Variants in TRPM1 observed in about 807,000 individuals in gnomAD.
TRPM1 encodes the protein transient receptor potential cation channel subfamily M member 1.
In TRPM1, 113 loss-of-function variants were observed where a neutral mutation model predicts 149.4. The ratio of observed to expected loss-of-function variants is 0.76; its 90% confidence interval spans 0.65 to 0.88. The LOEUF (loss-of-function observed/expected upper bound fraction) is 0.88. TRPM1 is among the 40% of genes least tolerant of loss of function. The probability of loss-of-function intolerance (pLI) is 0.00; values close to 1 mark genes in which losing one functional copy is unlikely to be tolerated. For synonymous variants in TRPM1, 741 were observed against 759.5 expected, an observed-to-expected ratio of 0.98 and a Z score of 0.40; for missense variants, 1,976 against 2,038.7, an observed-to-expected ratio of 0.97 and a Z score of 0.59.
intron 27 of TRPM1, among the ~76,000 whole-genome samples, chr15:31,023,458 G>A: frequency 6.6e-6 from 1 of 152,238 alleles, no homozygotes; most frequent in East Asian, 1.9e-4. Flanking sequence ...AGGACCCCAT[G>A]AGAGCTGACA....
At chr15:31,109,865 G>A (rs73375932) in intron 1 of TRPM1, among the ~76,000 whole-genome samples, 4,439 of 152,186 alleles carry the variant, frequency 0.029, 232 homozygotes, top group African/African-American at 0.1. Context: ...TTCCCAGGCT[G>A]GAGACGGGCG....
Position 31,040,106 on chromosome 15 carries a change from C to T in TRPM1, c.2316+12G>A, listed in dbSNP as rs76451613. The T allele has an allele frequency of 4.0e-3, 6,430 of 1,613,586 alleles. 20 individuals carry two copies. Among genetic ancestry groups the T allele is most frequent in the Non-Finnish European group, 4.9e-3 (5,722 of 1,179,494 alleles). On this transcript the variant is annotated intron_variant, in intron 18 of 27. Coordinates refer to ENST00000256552, the MANE Select transcript of TRPM1 (RefSeq NM_001252024.2). The surrounding 1 kb of genome is among the most constrained non-coding windows in gnomAD (Gnocchi z 4.2). Reference sequence around the variant, plus strand: ...TGTCACCCTGGCCCGCCTCGCAGCACGTTGCACGCACCTTCAGGCCGGGGT... The same window carrying T: ...TGTCACCCTGGCCCGCCTCGCAGCATGTTGCACGCACCTTCAGGCCGGGGT...
Position 31,108,978 on chromosome 15 carries a change from C to T in TRPM1, c.55-31994G>A, listed in dbSNP as rs547947336. The stretch of plus-strand genomic sequence containing the variant: ...TGAATTTATCATTGAGATCACCTCT[C>T]CCATGCTCCAGACACTGCTGGTGCT... On this transcript the variant is annotated intron_variant, in intron 1 of 26. Transcript: ENST00000542188. Among the ~76,000 whole-genome samples the T allele has an allele frequency of 5.9e-5, 9 of 152,298 alleles. No individual in the cohort carries two copies. In the East Asian group the frequency reaches 1.3e-3, roughly 23 times the overall value.
intron 3 of TRPM1, among the ~76,000 whole-genome samples, chr15:31,076,537 T>C (rs969899187): frequency 2.0e-5 from 3 of 152,226 alleles, no homozygotes; most frequent in Admixed American, 1.3e-4. Context: ...CTCAGATCTT[T>C]CCTGTGATGG....
In TRPM1 at chr15:31,049,313, C is replaced by T. The variant is rs2288241; in HGVS notation, c.1572+62G>A. On this transcript the variant is annotated intron_variant, in intron 13 of 27. Transcript: ENST00000256552. ...TGAGCACATTTATGCACAATATGCA[C>T]CAGTGACAAACACATTTAGGTGGCT... 867,929 of 1,610,592 alleles carry T rather than the reference C, an allele frequency of 0.54. 242,158 individuals carry two copies. The highest frequency in any genetic ancestry group is 0.91 in the East Asian group (40,933 of 44,858).
chr15:31,032,006 GTTTTTTTT>G (rs57762904), intron 22 of TRPM1, among the ~76,000 whole-genome samples: 2 of 122,762 alleles, frequency 1.6e-5, no homozygotes, highest in African/African-American at 6.3e-5. Flanking sequence ...ATCAGGCGGG[GTTTTTTTT>G]TTTTTTTTTT....
chr15:31,127,931 C>A (rs1282031571), intron 1 of TRPM1, among the ~76,000 whole-genome samples: 1 of 152,186 alleles, frequency 6.6e-6, no homozygotes. Context: ...GGGTCTGTGC[C>A]TGGAGTCCAG....
chr15:31,060,663 G>T lies in TRPM1; in HGVS notation c.1163-19C>A. ...TTTGTTCCTGGAAAGGCAAGAAACC[G>T]GAATGATTTTTCACTCCACGCCTGG... On this transcript the variant is annotated intron_variant, in intron 10 of 27. Transcript: ENST00000256552. 6.2e-7 allele frequency: 1 copy of T among 1,609,528 alleles called. No individual in the cohort carries two copies. Among genetic ancestry groups the T allele is most frequent in the Non-Finnish European group, 8.5e-7 (1 of 1,176,306 alleles).
At position 31,042,240 on chromosome 15, in the gene TRPM1, C is replaced by A; in HGVS notation, c.1798G>T (p.Asp600Tyr). 6.4e-7 allele frequency: 1 copy of A among 1,571,392 alleles called. No homozygotes were observed. Among genetic ancestry groups the A allele is most frequent in the Non-Finnish European group, 8.6e-7 (1 of 1,158,240 alleles). ...TTCTTCCCTTTAGCTGGAGGCTCATCATCCTGAGGGGAGAAACATGGATTT... is the reference window on the plus strand; with the variant it reads ...TTCTTCCCTTTAGCTGGAGGCTCATAATCCTGAGGGGAGAAACATGGATTT... ...KALKLLGMEDDEPPAKGKKKK... is the reference protein window; with the variant it reads ...KALKLLGMEDYEPPAKGKKKK... The change falls in exon 17 of 28, where the codon GAT becomes TAT. Residue 600 changes from aspartate (D) to tyrosine (Y), a missense_variant. Around this residue, in one of 3 missense-constraint regions of TRPM1, gnomAD observed 1,332 missense variants for 1,347.1 expected, o/e 0.99. Coordinates refer to ENST00000256552, the MANE Select transcript of TRPM1 (RefSeq NM_001252024.2).
chr15:31,099,662 A>C (rs1363219879), intron 1 of TRPM1, among the ~76,000 whole-genome samples: 1 of 152,212 alleles, frequency 6.6e-6, no homozygotes, highest in Non-Finnish European at 1.5e-5. Context: ...ACAACTCCAA[A>C]CTTCTCCCAG....
intron 12 of TRPM1, 108 bp from the exon 13 acceptor site, chr15:31,049,617 G>T: frequency 8.0e-7 from 1 of 1,250,752 alleles, no homozygotes; most frequent in Non-Finnish European, 1.2e-6. Flanking sequence ...AGATTCCAGA[G>T]CACTCCAGCA....
At chr15:31,029,156 T>A (rs999450454) in intron 24 of TRPM1, among the ~76,000 whole-genome samples, 9 of 152,212 alleles carry the variant, frequency 5.9e-5, no homozygotes, top group African/African-American at 2.2e-4. Flanking sequence ...CAACTTTTTA[T>A]CATAGGGGGT....
intron 27 of TRPM1, among the ~76,000 whole-genome samples, chr15:31,004,394 C>G (rs1260985728): frequency 1.3e-5 from 2 of 152,000 alleles, no homozygotes; most frequent in East Asian, 3.9e-4. Context: ...AACTCCACCC[C>G]CACCCTGCTG....
intron 11 of TRPM1, chr15:31,060,157 A>G (rs2034188446): frequency 2.8e-6 from 1 of 363,126 alleles, no homozygotes. Flanking sequence ...AAACACACAC[A>G]CACACAGAGT....
chr15:31,059,659 G>C (rs779717913), intron 11 of TRPM1, among the ~76,000 whole-genome samples: 1 of 151,962 alleles, frequency 6.6e-6, no homozygotes, highest in Non-Finnish European at 1.5e-5. Flanking sequence ...CTCCCAAATC[G>C]GCCTCCCAAA....
intron 3 of TRPM1, among the ~76,000 whole-genome samples, chr15:31,075,304 A>G (rs554474518): frequency 6.6e-6 from 1 of 152,262 alleles, no homozygotes; most frequent in South Asian, 2.1e-4. Context: ...TGAATTGTCT[A>G]CTTCTCCCTT....
In TRPM1 at chr15:31,070,011, T is replaced by G; in HGVS notation, c.279+20A>C. On this transcript the variant is annotated intron_variant, in intron 4 of 27. Transcript: ENST00000256552. ...GAAAGCTGTGATCCTAGTGGCACCA[T>G]GTCTGAATGCCTTTCTCACCATGGC... 1 of 1,614,212 alleles carries G rather than the reference T, an allele frequency of 6.2e-7. No homozygotes were observed. Among genetic ancestry groups the G allele is most frequent in the South Asian group, 1.1e-5 (1 of 91,088 alleles).
At chr15:31,133,582 T>C (rs111462924) in intron 1 of TRPM1, among the ~76,000 whole-genome samples, 80 of 151,960 alleles carry the variant, frequency 5.3e-4, no homozygotes, top group African/African-American at 1.8e-3. Flanking sequence ...GTCAGAAGGC[T>C]GAGGCAGGAG....
chr15:31,155,368 C>T (rs998514474), intron 1 of TRPM1, among the ~76,000 whole-genome samples: 3 of 152,188 alleles, frequency 2.0e-5, no homozygotes, highest in African/African-American at 7.2e-5. Context: ...TCCAACCACA[C>T]ATGGTTAGAC....
Sources: allele counts gnomAD v4.1 joint callset (sites outside exome capture counted in the v4.1 genomes callset), GRCh38; gene constraint gnomAD v4.1.1; regional missense constraint gnomAD v4.1.1; non-coding constraint Gnocchi (gnomAD v3.1); transcripts MANE v1.5; gene names NCBI Gene and HGNC (gene_info 2026-07-23, HGNC 2026-07-21).